The following NOS1 variants were observed in gnomAD, a reference collection of about 807,000 sequenced individuals.
The protein encoded by NOS1 is nitric oxide synthase 1, also known as NOS type I.
A neutral mutation model predicts 164.5 loss-of-function variants in NOS1; 51 were observed. That is an observed-to-expected ratio of 0.31 (90% CI 0.25 to 0.39). The LOEUF (loss-of-function observed/expected upper bound fraction) is 0.39, where lower values mean the gene tolerates loss of function less well. NOS1 is among the 10% of genes least tolerant of loss of function. The pLI is 1.00. For synonymous variants in NOS1, 719 were observed against 745.8 expected (o/e 0.96, Z 0.59); for missense variants, 1,362 against 1,885.6 (o/e 0.72, Z 5.14).
intron 16 of NOS1, among the ~76,000 whole-genome samples, chr12:117,254,883 T>C (rs1871324431): frequency 6.6e-6 from 1 of 152,212 alleles, no homozygotes; most frequent in Non-Finnish European, 1.5e-5. Flanking sequence ...CATAAAGTTA[T>C]GGTCCTTAGA....
intron 18 of NOS1, among the ~76,000 whole-genome samples, chr12:117,245,006 T>C (rs1870508730): frequency 6.6e-6 from 1 of 152,142 alleles, no homozygotes; most frequent in Non-Finnish European, 1.5e-5. Context: ...AGCAACAGAA[T>C]TATCTCAATG....
chr12:117,345,307 G>A (rs1160744232), intron 1 of NOS1, among the ~76,000 whole-genome samples: 1 of 152,158 alleles, frequency 6.6e-6, no homozygotes, highest in Non-Finnish European at 1.5e-5. Context: ...ACAGGCGTGA[G>A]CCACCGCGCC....
At position 117,337,411 on chromosome 12, in the gene NOS1, C is replaced by T. The variant is rs377336572; in HGVS notation, c.-420-5922G>A. 2.4e-4 allele frequency among the ~76,000 whole-genome samples: 36 copies of T among 152,082 alleles called. 1 individual carries two copies. The highest frequency in any genetic ancestry group is 1.1e-3 in the Admixed American group (17 of 15,266). ...GATTACAGGCTTGAGCCACCGTGCC[C>T]GGCCGCGCTTTTTACTCTTTTTAAT... On this transcript the variant is annotated intron_variant, in intron 1 of 28. Transcript: ENST00000317775.
chr12:117,255,632 G>A (rs993930561), intron 16 of NOS1, among the ~76,000 whole-genome samples: 1 of 152,158 alleles, frequency 6.6e-6, no homozygotes, highest in African/African-American at 2.4e-5. Flanking sequence ...ATAACAGCAC[G>A]TGCATTTGTA....
rs1282474110 is a variant in NOS1, at chr12:117,356,137, A to C, written c.-421+5375T>G. On this transcript the variant is annotated intron_variant, in intron 1 of 28. Coordinates refer to ENST00000317775, the MANE Select transcript of NOS1 (RefSeq NM_000620.5). The surrounding 1 kb of genome is among the most constrained non-coding windows in gnomAD (Gnocchi z 4.2). ...CTTTCCAGAGTTAAACACACACACT[A>C]TCCCATTAAATCCTCCTAACAACTC... 1.3e-5 allele frequency among the ~76,000 whole-genome samples: 2 copies of C among 152,180 alleles called. No individual in the cohort carries two copies. Among genetic ancestry groups the C allele is most frequent in the African/African-American group, 4.8e-5 (2 of 41,428 alleles).
chr12:117,292,156 T>C (rs1873105799), intron 3 of NOS1, among the ~76,000 whole-genome samples: 1 of 152,206 alleles, frequency 6.6e-6, no homozygotes, highest in African/African-American at 2.4e-5. Context: ...ACAGGTACCT[T>C]GCCCTCTGGA....
At chr12:117,299,471 C>T (rs1178663487) in intron 3 of NOS1, among the ~76,000 whole-genome samples, 1 of 151,718 alleles carries the variant, frequency 6.6e-6, no homozygotes, top group Non-Finnish European at 1.5e-5. Context: ...ACCCCACCTC[C>T]ACTAAAAATA....
intron 20 of NOS1, among the ~76,000 whole-genome samples, chr12:117,236,127 G>A (rs891501537): frequency 4.6e-5 from 7 of 152,126 alleles, no homozygotes; most frequent in East Asian, 1.9e-4. Flanking sequence ...CTGCAAACTC[G>A]AGGATCGATT....
At chr12:117,249,924 C>T (rs768208526) in intron 17 of NOS1, among the ~76,000 whole-genome samples, 5 of 152,174 alleles carry the variant, frequency 3.3e-5, no homozygotes, top group Non-Finnish European at 5.9e-5. Context: ...GGGACAAATA[C>T]ACCCCACCTT....
In NOS1 at chr12:117,355,818, G is replaced by A. The variant is rs150499528; in HGVS notation, c.-421+5694C>T. Among the ~76,000 whole-genome samples the A allele has an allele frequency of 8.9e-3, 1,350 of 152,206 alleles. 26 individuals are homozygous for A. The highest frequency in any genetic ancestry group is 0.031 in the African/African-American group (1,285 of 41,530). ...TCTGTTACCCAGGATGGAGTGCAGC[G>A]GCACAATCTCGGCTCACTGCAACCT... On this transcript the variant is annotated intron_variant, in intron 1 of 28. Transcript: ENST00000317775.
At chr12:117,255,504 T>C (rs1040818708) in intron 16 of NOS1, among the ~76,000 whole-genome samples, 7 of 152,236 alleles carry the variant, frequency 4.6e-5, no homozygotes, top group African/African-American at 1.4e-4. Flanking sequence ...TCAGGAAAGT[T>C]CTAAATATAT....
intron 2 of NOS1, among the ~76,000 whole-genome samples, chr12:117,318,601 C>T (rs529925105): frequency 7.9e-5 from 12 of 152,292 alleles, no homozygotes; most frequent in Middle Eastern, 3.4e-3. Flanking sequence ...CCAGGTTCCC[C>T]GACCTCTTGC....
Position 117,258,458 on chromosome 12 carries a change from G to T in NOS1, c.2473-3C>A, listed in dbSNP as rs1201187646. 6.2e-7 allele frequency: 1 copy of T among 1,614,078 alleles called. No homozygotes were observed. The highest frequency in any genetic ancestry group is 1.1e-5 in the South Asian group (1 of 91,084). Reference sequence around the variant, plus strand: ...TCCATCAAAGCACAGCCGAATTTCTGGAAGCCAAAACATATGGGTGAAATT... The same window carrying T: ...TCCATCAAAGCACAGCCGAATTTCTTGAAGCCAAAACATATGGGTGAAATT... On this transcript the variant is annotated splice_region_variant and splice_polypyrimidine_tract_variant and intron_variant, in intron 15 of 28. Coordinates refer to ENST00000317775, the MANE Select transcript of NOS1 (RefSeq NM_000620.5).
rs1005829131 is a variant in NOS1 at position 117,209,002 on chromosome 12, C to A, written c.*6307G>T. On this transcript the variant is annotated 3_prime_UTR_variant, in exon 29 of 29. Transcript: ENST00000317775. The stretch of plus-strand genomic sequence containing the variant: ...CCTCCCAAAGTCCTGTGATTACAGG[C>A]ATGAGCCACCACGCCTGGCCTGGGA... The A allele has an allele frequency of 1.0e-6, 1 of 981,870 alleles. No individual in the cohort carries two copies. Among genetic ancestry groups the A allele is most frequent in the Non-Finnish European group, 1.2e-6 (1 of 826,828 alleles). 60.8% of individuals were successfully genotyped at this position (981,870 alleles called of 1,614,324 possible).
chr12:117,299,999 GTGTT>G (rs1319314566), intron 3 of NOS1, among the ~76,000 whole-genome samples: 2 of 152,176 alleles, frequency 1.3e-5, no homozygotes, highest in South Asian at 2.1e-4. Context: ...GCATCATACT[GTGTT>G]TGTTTGTTGA....
At position 117,234,331 on chromosome 12, in the gene NOS1, T is replaced by A. The variant is rs1050026392; in HGVS notation, c.3235+234A>T. ...ATGAAGGAAGGTAGCAGCCCCCTTT[T>A]TTCAATGGTGAGCCATCAATGGCCT... is the stretch of plus-strand genomic sequence containing the variant. On this transcript the variant is annotated intron_variant, in intron 21 of 28. Transcript: ENST00000317775. The surrounding 1 kb of genome is among the most constrained non-coding windows in gnomAD (Gnocchi z 4.3). Among the ~76,000 whole-genome samples the A allele has an allele frequency of 5.9e-5, 9 of 152,162 alleles. No individual in the cohort carries two copies. The highest frequency in any genetic ancestry group is 2.2e-4 in the African/African-American group (9 of 41,428).
intron 21 of NOS1, among the ~76,000 whole-genome samples, chr12:117,233,877 C>T (rs969808984): frequency 4.6e-5 from 7 of 150,880 alleles, no homozygotes; most frequent in Non-Finnish European, 2.9e-5. Flanking sequence ...AGGTTTTCAG[C>T]AGGGCTTTGA....
chr12:117,234,500 T>C lies in NOS1; in HGVS notation c.3235+65A>G, dbSNP rs1457011676. The stretch of plus-strand genomic sequence containing the variant: ...TGGTGATTGGGAAGAAAAGGTATCT[T>C]CTTCCCGAGACACCCACTGCCTCTG... On this transcript the variant is annotated intron_variant, in intron 21 of 28. Transcript: ENST00000317775. The surrounding 1 kb of genome is among the most constrained non-coding windows in gnomAD (Gnocchi z 4.3). 4 of 1,525,442 alleles carry C rather than the reference T, an allele frequency of 2.6e-6. No homozygotes were observed. The highest frequency in any genetic ancestry group is 2.3e-5 in the East Asian group (1 of 44,030). The allele number at this position is 1,525,442 out of a possible 1,614,324, so 94.5% of individuals were successfully genotyped here. A position where few individuals can be genotyped will look rare whatever the true frequency, so the allele number is the denominator to read the frequency against.
At chr12:117,235,247 T>C (rs750382411) in intron 20 of NOS1, among the ~76,000 whole-genome samples, 1 of 152,088 alleles carries the variant, frequency 6.6e-6, no homozygotes, top group Non-Finnish European at 1.5e-5. Context: ...TTTATCAAGG[T>C]CACCAGTGAA....
Sources: allele counts gnomAD v4.1 joint callset (sites outside exome capture counted in the v4.1 genomes callset), GRCh38; gene constraint gnomAD v4.1.1; non-coding constraint Gnocchi (gnomAD v3.1); transcripts MANE v1.5; gene names NCBI Gene and HGNC (gene_info 2026-07-23, HGNC 2026-07-21).